The following SEPTIN8 variants were observed in gnomAD, a reference collection of about 807,000 sequenced individuals.
SEPTIN8 encodes the protein septin 8.
In SEPTIN8, 22 loss-of-function variants were observed where a neutral mutation model predicts 53.1. The ratio of observed to expected loss-of-function variants is 0.41; its 90% CI spans 0.30 to 0.59. The LOEUF (loss-of-function observed/expected upper bound fraction) is 0.59. Among genes scored for constraint, SEPTIN8 ranks in the 20% least tolerant of loss-of-function variants. The pLI, the probability that SEPTIN8 is intolerant of heterozygous loss-of-function variation, is 0.24. For missense variants in SEPTIN8, 536 were observed against 638.7 expected (o/e 0.84, Z 1.73); for synonymous variants, 228 against 248.4 (o/e 0.92, Z 0.77).
At chr5:132,754,587 G>C (rs915158303) in intron 9 of SEPTIN8, 11 of 711,942 alleles carry the variant, frequency 1.5e-5, no homozygotes, top group African/African-American at 7.0e-5. Flanking sequence ...TTCTGCTCTG[G>C]CTTTCTATAA....
rs1238264378 is a variant in SEPTIN8, at chr5:132,760,379, G to A, written c.1286+423C>T. ...AGCATTCCCAGAGCCCTGCAGCTTC[G>A]CCCTCTCCACGCTGCTCCTCACCCG... On this transcript the variant is annotated intron_variant, in intron 9 of 9. Coordinates refer to ENST00000378719, the MANE Select transcript of SEPTIN8 (RefSeq NM_001098811.2). This position sits in a 1 kb window ranked among gnomAD's most constrained non-coding sequence, Gnocchi z 5.2. 6.6e-6 allele frequency among the ~76,000 whole-genome samples: 1 copy of A among 152,128 alleles called. No homozygotes were observed. Among genetic ancestry groups the A allele is most frequent in the Non-Finnish European group, 1.5e-5 (1 of 68,038 alleles).
chr5:132,750,887 C>T lies in SEPTIN8; in HGVS notation c.*1129G>A. 2 of 1,614,178 alleles carry T rather than the reference C, an allele frequency of 1.2e-6. No homozygotes were observed. The highest frequency in any genetic ancestry group is 3.3e-5 in the Admixed American group (2 of 60,012). On this transcript the variant is annotated 3_prime_UTR_variant, in exon 10 of 10. Coordinates refer to ENST00000378719, the MANE Select transcript of SEPTIN8 (RefSeq NM_001098811.2). ...TCCACAAGTAAAAGACTTCACAAAGCACTATGGCTCTGACTATTCCCCGAA... is the reference window on the plus strand; with the variant it reads ...TCCACAAGTAAAAGACTTCACAAAGTACTATGGCTCTGACTATTCCCCGAA...
chr5:132,775,271 C>T (rs533764779), intron 1 of SEPTIN8, among the ~76,000 whole-genome samples: 2 of 152,374 alleles, frequency 1.3e-5, no homozygotes, highest in Admixed American at 1.3e-4. Context: ...AGGACCATCT[C>T]TGGACGAGCA....
intron 9 of SEPTIN8, chr5:132,755,918 G>C: frequency 3.1e-6 from 3 of 954,764 alleles, no homozygotes; most frequent in Non-Finnish European, 3.7e-6. Context: ...CAGACAAGCT[G>C]TATTTTACCA....
intron 9 of SEPTIN8, chr5:132,757,705 T>G (rs1277148647): frequency 1.0e-6 from 1 of 985,318 alleles, no homozygotes; most frequent in Non-Finnish European, 1.2e-6. Flanking sequence ...TTCTCAACAC[T>G]GACATTCTTG....
At chr5:132,763,965 C>T (rs543063442) in intron 3 of SEPTIN8, 73 bp from the exon 4 acceptor site, 26 of 1,397,302 alleles carry the variant, frequency 1.9e-5, no homozygotes, top group Middle Eastern at 1.9e-4. Flanking sequence ...GCTCAGGGCT[C>T]GGGGCCAAGC....
At chr5:132,759,948 G>A (rs745974891) in intron 9 of SEPTIN8, among the ~76,000 whole-genome samples, 3 of 152,092 alleles carry the variant, frequency 2.0e-5, no homozygotes, top group African/African-American at 4.8e-5. Context: ...TGACTACTCC[G>A]TTGACTGCAC....
chr5:132,755,652 T>C (rs1233897955), intron 9 of SEPTIN8, among the ~76,000 whole-genome samples: 1 of 152,176 alleles, frequency 6.6e-6, no homozygotes, highest in African/African-American at 2.4e-5. Context: ...ACTCGAATAT[T>C]AGTAGTCCCG....
chr5:132,773,978 G>C lies in SEPTIN8; in HGVS notation c.30+3130C>G, dbSNP rs982990996. The C allele has an allele frequency of 6.6e-6, 1 of 152,512 alleles. No individual in the cohort carries two copies. Among genetic ancestry groups the C allele is most frequent in the Non-Finnish European group, 1.5e-5 (1 of 68,048 alleles). The allele number at this position is 152,512 out of a possible 1,614,324, so 9.4% of individuals were successfully genotyped here. A position where few individuals can be genotyped will look rare whatever the true frequency, so the allele number is the denominator to read the frequency against. On this transcript the variant is annotated intron_variant, in intron 1 of 9. Transcript: ENST00000378719. This position sits in a 1 kb window ranked among gnomAD's most constrained non-coding sequence, Gnocchi z 4.2. ...TGCAGGTGGTGCTCACATGTGCCCT[G>C]GGAGCTGCACGGGCATCTCTTGCTC...
At chr5:132,757,980 C>G in intron 9 of SEPTIN8, 1 of 986,544 alleles carries the variant, frequency 1.0e-6, no homozygotes, top group Non-Finnish European at 1.2e-6. Context: ...TAATTGGAGT[C>G]AAACACTTAA....
rs1012483496 is a variant in SEPTIN8, at chr5:132,758,641, C to T, written c.1286+2161G>A. On this transcript the variant is annotated intron_variant, in intron 9 of 9. Transcript: ENST00000378719. ...CATAGAGAGGGGTGGCCCGCCAGGC[C>T]CGGGGCAGCCTGGGGCCAGGGTCGG... 8 of 1,592,996 alleles carry T rather than the reference C, an allele frequency of 5.0e-6. No homozygotes were observed. In the African/African-American group the frequency reaches 9.4e-5, roughly 19 times the overall value.
At position 132,777,118 on chromosome 5, in the gene SEPTIN8, T is replaced by C; in HGVS notation, c.20A>G (p.Glu7Gly). 1 of 1,092,032 alleles carries C rather than the reference T, an allele frequency of 9.2e-7. No homozygotes were observed. Among genetic ancestry groups the C allele is most frequent in the Non-Finnish European group, 1.1e-6 (1 of 897,202 alleles). 67.6% of individuals were successfully genotyped at this position (1,092,032 alleles called of 1,614,324 possible). The change falls in exon 1 of 10, where the codon GAG becomes GGG. Residue 7 changes from glutamate (E) to glycine (G), a missense_variant. Coordinates refer to ENST00000378719, the MANE Select transcript of SEPTIN8 (RefSeq NM_001098811.2). This position sits in a 1 kb window ranked among gnomAD's most constrained non-coding sequence, Gnocchi z 4.1. MAATDL[E>G]RFSNAEPEPR... ...CAGCGGGGCCCTCACCGAGAAGCGCTCCAGGTCGGTGGCCGCCATGGCGAG... is the reference window on the plus strand; with the variant it reads ...CAGCGGGGCCCTCACCGAGAAGCGCCCCAGGTCGGTGGCCGCCATGGCGAG...
At chr5:132,770,109 G>GGA (rs1757137563) in intron 1 of SEPTIN8, among the ~76,000 whole-genome samples, 1 of 80,800 alleles carries the variant, frequency 1.2e-5, no homozygotes. Flanking sequence ...ATGTATATAT[G>GGA]TATATATATA....
At chr5:132,767,088 A>G (rs1446332131) in intron 1 of SEPTIN8, among the ~76,000 whole-genome samples, 1 of 152,064 alleles carries the variant, frequency 6.6e-6, no homozygotes, top group Non-Finnish European at 1.5e-5. Context: ...CTCTCTCTCA[A>G]CGGAGCCTCT....
At chr5:132,765,377 C>T (rs757963392) in intron 2 of SEPTIN8, 32 bp downstream of exon 2, 8 of 1,611,456 alleles carry the variant, frequency 5.0e-6, no homozygotes, top group Non-Finnish European at 6.8e-6. Flanking sequence ...TTCTCACCCA[C>T]CCTCTGTCTG....
rs1755927327 is a variant in SEPTIN8, at chr5:132,761,364, G to A, written c.962+94C>T. The A allele has an allele frequency of 6.3e-7, 1 of 1,589,262 alleles. No homozygotes were observed. The highest frequency in any genetic ancestry group is 8.5e-7 in the Non-Finnish European group (1 of 1,170,072). Reference sequence around the variant, plus strand: ...AAGTAGAATCATGTGGGCACGAGGGGTAAGAGGATGTGGGGTCCCTCAGGG... The same window carrying A: ...AAGTAGAATCATGTGGGCACGAGGGATAAGAGGATGTGGGGTCCCTCAGGG... On this transcript the variant is annotated intron_variant, in intron 7 of 9. Transcript: ENST00000378719. This position sits in a 1 kb window ranked among gnomAD's most constrained non-coding sequence, Gnocchi z 5.8.
chr5:132,760,764 A>C lies in SEPTIN8; in HGVS notation c.1286+38T>G, dbSNP rs776528642. On this transcript the variant is annotated intron_variant, in intron 9 of 9. Transcript: ENST00000378719. The surrounding 1 kb of genome is among the most constrained non-coding windows in gnomAD (Gnocchi z 5.2). ...AAGAACGAAAGCAAGAGCCCACAGGAGCAAGAGGAGCCAGCGCAGGCGCAG... is the reference window on the plus strand; with the variant it reads ...AAGAACGAAAGCAAGAGCCCACAGGCGCAAGAGGAGCCAGCGCAGGCGCAG... 4 of 1,587,354 alleles carry C rather than the reference A, an allele frequency of 2.5e-6. No homozygotes were observed. The highest frequency in any genetic ancestry group is 2.6e-6 in the Non-Finnish European group (3 of 1,164,020).
At chr5:132,768,029 C>T (rs1561764403) in intron 1 of SEPTIN8, among the ~76,000 whole-genome samples, 1 of 150,522 alleles carries the variant, frequency 6.6e-6, no homozygotes, top group Non-Finnish European at 1.5e-5. Context: ...CCATTCCATT[C>T]CTGTTTTCCC....
rs1287842283 is a variant in SEPTIN8, at chr5:132,758,370, A to G, written c.1286+2432T>C. ...GCTGTAGGTTAGAAAAATTAAAATG[A>G]GGGGAACTGGGTGAATTTTGCAGCA... On this transcript the variant is annotated intron_variant, in intron 9 of 9. Transcript: ENST00000378719. The G allele has an allele frequency of 2.8e-6, 4 of 1,417,410 alleles. No homozygotes were observed. The East Asian group carries it at 1.0e-4, about 36-fold the overall frequency. 87.8% of individuals were successfully genotyped at this position (1,417,410 alleles called of 1,614,324 possible).
Sources: allele counts gnomAD v4.1 joint callset (sites outside exome capture counted in the v4.1 genomes callset), GRCh38; gene constraint gnomAD v4.1.1; non-coding constraint Gnocchi (gnomAD v3.1); transcripts MANE v1.5; gene names NCBI Gene and HGNC (gene_info 2026-07-23, HGNC 2026-07-21).